The following LRRC49 variants were observed in gnomAD, a reference collection of about 807,000 sequenced individuals.
LRRC49 encodes leucine rich repeat containing 49.
Under a neutral mutation model 83.3 loss-of-function variants are expected in LRRC49, and 50 were observed. The ratio of observed to expected loss-of-function variants is 0.60; its 90% CI spans 0.48 to 0.76. The LOEUF is 0.76. LRRC49 is among the 30% of genes least tolerant of loss of function. The pLI is 0.00. For synonymous variants in LRRC49, 286 were observed against 283.3 expected (o/e 1.01, Z -0.10); for missense variants, 704 against 809.1 (o/e 0.87, Z 1.58).
chr15:71,040,893 C>T (rs2141304084), intron 15 of LRRC49, among the ~76,000 whole-genome samples: 1 of 151,606 alleles, frequency 6.6e-6, no homozygotes, highest in East Asian at 1.9e-4. Flanking sequence ...AAATAAGTCA[C>T]CATGTTTTGA....
chr15:70,994,123 A>G (rs2037996236), intron 11 of LRRC49, among the ~76,000 whole-genome samples: 1 of 152,216 alleles, frequency 6.6e-6, no homozygotes, highest in South Asian at 2.1e-4. Flanking sequence ...CTAGGATTAC[A>G]GGCTTGAGCC....
intron 1 of LRRC49, among the ~76,000 whole-genome samples, chr15:70,871,150 T>C (rs1380083982): frequency 6.6e-6 from 1 of 151,912 alleles, no homozygotes; most frequent in Non-Finnish European, 1.5e-5. Flanking sequence ...GGAGTGGTGA[T>C]GACTCTTAAC....
chr15:70,931,261 G>A (rs1239793134), intron 7 of LRRC49, among the ~76,000 whole-genome samples: 1 of 152,092 alleles, frequency 6.6e-6, no homozygotes, highest in Non-Finnish European at 1.5e-5. Flanking sequence ...CCAAGAAGAG[G>A]GAGAGAGATG....
At position 70,866,573 on chromosome 15, in the gene LRRC49, T is replaced by G. The variant is rs566425784; in HGVS notation, c.-298-6335T>G. On this transcript the variant is annotated intron_variant, in intron 1 of 16. Coordinates refer to the LRRC49 transcript ENST00000544974. ...ACATTCTGTGCAACTGTCCTGGCCT[T>G]ACAGATGAGACTCCAGAAGTTTAAA... 3.9e-5 allele frequency among the ~76,000 whole-genome samples: 6 copies of G among 152,278 alleles called. No individual in the cohort carries two copies. The South Asian group carries it at 1.2e-3, about 32-fold the overall frequency.
At chr15:70,895,649 AAGCCACAAAT>A in intron 2 of LRRC49, 190 bp from the exon 3 acceptor site, 1 of 468,300 alleles carries the variant, frequency 2.1e-6, no homozygotes, top group Non-Finnish European at 3.8e-6. Context: ...AAATGCCTGG[AAGCCACAAAT>A]ATGCTTTCCA....
intron 2 of LRRC49, among the ~76,000 whole-genome samples, chr15:70,884,876 C>T (rs2033364783): frequency 6.6e-6 from 1 of 152,138 alleles, no homozygotes; most frequent in Non-Finnish European, 1.5e-5. Context: ...CATAATCTCA[C>T]AATCCATAGC....
At chr15:70,892,299 C>T, upstream of LRRC49, 1 of 1,551,278 alleles carries the variant, frequency 6.4e-7, no homozygotes, top group Non-Finnish European at 8.7e-7. Flanking sequence ...GCGCGGGAGC[C>T]GGGTTCCCTG....
At chr15:70,906,303 G>T (rs1250121466) in intron 5 of LRRC49, among the ~76,000 whole-genome samples, 6 of 151,930 alleles carry the variant, frequency 3.9e-5, no homozygotes, top group Non-Finnish European at 1.5e-5. Context: ...CACCATGTTG[G>T]CCAGGATGGT....
At chr15:70,955,683 C>T (rs1561694) in intron 8 of LRRC49, among the ~76,000 whole-genome samples, 4,438 of 152,244 alleles carry the variant, frequency 0.029, 218 homozygotes, top group African/African-American at 0.1. Flanking sequence ...CTATTTACCT[C>T]TCTTGGTTCC....
rs769576105 is a variant in LRRC49 at position 70,980,156 on chromosome 15, G to A, written c.977G>A (p.Arg326Gln). ...VLAKKEEEKKRESHKQSLLKE... is the reference protein window; with the variant it reads ...VLAKKEEEKKQESHKQSLLKE... ...GCCAAAAAAGAGGAAGAGAAGAAGC[G>A]GGAAAGTCATAAACAATCTTTGCTT... The change falls in exon 10 of 16, where the codon CGG (arginine) becomes CAG (glutamine). Residue 326 changes from arginine (R) to glutamine (Q), a missense_variant. Arg to Gln is a conservative substitution (Grantham distance 43). Coordinates refer to ENST00000260382, the MANE Select transcript of LRRC49 (RefSeq NM_017691.5). 1.6e-5 allele frequency: 26 copies of A among 1,611,898 alleles called. No homozygotes were observed. Among genetic ancestry groups the A allele is most frequent in the South Asian group, 1.5e-4 (14 of 90,862 alleles).
At chr15:70,985,125 A>T (rs1324514503) in intron 11 of LRRC49, among the ~76,000 whole-genome samples, 1 of 149,814 alleles carries the variant, frequency 6.7e-6, no homozygotes, top group Non-Finnish European at 1.5e-5. Context: ...CATGATTTAT[A>T]GTCCTTTGGG....
At position 70,936,763 on chromosome 15, in the gene LRRC49, A is replaced by G. The variant is rs2035614157; in HGVS notation, c.714A>G (p.Arg238=). ...TTTTGCTGTCTATTTTCTTCCAGAG[A>G]GATGTGGATAATTTGCCCTGCCTCC... ...NLRHNQITFV[R]DVDNLPCLQH... is the part of the protein sequence containing the mutation. Residue 238 remains arginine, a splice_region_variant and synonymous_variant, in exon 8 of 16, where the codon AGA becomes AGG. Transcript: ENST00000260382. The G allele has an allele frequency of 6.2e-7, 1 of 1,603,238 alleles. No homozygotes were observed. Among genetic ancestry groups the G allele is most frequent in the African/African-American group, 1.3e-5 (1 of 74,680 alleles).
intron 11 of LRRC49, among the ~76,000 whole-genome samples, chr15:70,998,213 A>G (rs2038139887): frequency 6.6e-6 from 1 of 152,182 alleles, no homozygotes; most frequent in South Asian, 2.1e-4. Context: ...AAAAAGAGGA[A>G]TTACCACCTT....
At chr15:70,870,966 A>C (rs962310021) in intron 1 of LRRC49, among the ~76,000 whole-genome samples, 1 of 26,336 alleles carries the variant, frequency 3.8e-5, no homozygotes, top group Non-Finnish European at 9.2e-5. Flanking sequence ...TTTTTTTTTT[A>C]GTATTTATTG....
rs2039952591 is a variant in LRRC49, at chr15:71,049,414, A to G, written c.1863A>G (p.Ile621Met). Reference protein sequence around the residue: ...RDFYNEKLEEIKEKKKFCKTY... With the variant: ...RDFYNEKLEEMKEKKKFCKTY... ...CTTTCTCTTTTTTTTAACAGGAAAT[A>G]AAGGAAAAGAAGAAATTCTGTAAAA... Residue 621 changes from isoleucine to methionine, a missense_variant, in exon 16 of 16, where the codon ATA becomes ATG. By Grantham distance (10) the Ile-to-Met change is conservative. This residue lies in a region of LRRC49 where 275 missense variants were observed against 338.0 expected (regional missense o/e 0.81). Transcript: ENST00000260382. 1 of 1,569,650 alleles carries G rather than the reference A, an allele frequency of 6.4e-7. No homozygotes were observed. The highest frequency in any genetic ancestry group is 1.9e-5 in the Admixed American group (1 of 52,162).
chr15:70,886,514 GA>G (rs200027967), intron 2 of LRRC49, among the ~76,000 whole-genome samples: 23 of 151,174 alleles, frequency 1.5e-4, no homozygotes, highest in South Asian at 1.0e-3. Context: ...TGAAATAAAT[GA>G]AAAAAAAATT....
chr15:71,044,886 CTTT>C (rs71152326), intron 15 of LRRC49, among the ~76,000 whole-genome samples: 11 of 74,458 alleles, frequency 1.5e-4, no homozygotes, highest in Admixed American at 3.8e-4. Context: ...CAGAAACAAT[CTTT>C]TTTTTTTTTT....
At chr15:70,979,823 A>G (rs1171322010) in intron 9 of LRRC49, among the ~76,000 whole-genome samples, 2 of 152,132 alleles carry the variant, frequency 1.3e-5, no homozygotes, top group Non-Finnish European at 2.9e-5. Flanking sequence ...TGATGCAAAC[A>G]TACTTCTCCT....
chr15:70,893,457 A>G (rs1273371793), intron 1 of LRRC49, 127 bp from the exon 2 acceptor site: 4 of 666,968 alleles, frequency 6.0e-6, no homozygotes, highest in Non-Finnish European at 1.1e-5. Flanking sequence ...AAGATCATTT[A>G]CCAGAAACAG....
Sources: allele counts gnomAD v4.1 joint callset (sites outside exome capture counted in the v4.1 genomes callset), GRCh38; gene constraint gnomAD v4.1.1; regional missense constraint gnomAD v4.1.1; transcripts MANE v1.5; gene names NCBI Gene and HGNC (gene_info 2026-07-23, HGNC 2026-07-21).